Variants in DELE1 observed in about 807,000 individuals in gnomAD.
The protein encoded by DELE1 is death ligand signal enhancer.
Under a neutral mutation model 59.3 loss-of-function variants are expected in DELE1, and 54 were observed. The ratio of observed to expected loss-of-function variants is 0.91; its 90% CI spans 0.73 to 1.14. The LOEUF (loss-of-function observed/expected upper bound fraction) is 1.14. DELE1 is among the 50% of genes most tolerant of loss of function. The pLI is 0.00. For synonymous variants in DELE1, 264 were observed against 259.1 expected, an observed-to-expected ratio of 1.02 and a Z score of -0.18; for missense variants, 636 against 643.9, an observed-to-expected ratio of 0.99 and a Z score of 0.13.
intron 7 of DELE1, among the ~76,000 whole-genome samples, chr5:141,930,882 T>C (rs1323316748): frequency 6.6e-6 from 1 of 152,164 alleles, no homozygotes; most frequent in Non-Finnish European, 1.5e-5. Flanking sequence ...TATTGGGGTC[T>C]AGTGGGCAGA....
At position 141,930,169 on chromosome 5, in the gene DELE1, C is replaced by G. The variant is rs76105880; in HGVS notation, c.658-9C>G. The G allele has an allele frequency of 7.5e-4, 1,214 of 1,611,678 alleles. 1 individual carries two copies. Among genetic ancestry groups the G allele is most frequent in the Non-Finnish European group, 9.7e-4 (1,137 of 1,178,090 alleles). ...ATCCCTTGGTGAGTCTTTTATATTT[C>G]TTTCCCAGGAACAAGATAAATCAAA... is the stretch of plus-strand genomic sequence containing the variant. On this transcript the variant is annotated splice_polypyrimidine_tract_variant and intron_variant, in intron 6 of 11. Transcript: ENST00000432126.
At position 141,934,538 on chromosome 5, in the gene DELE1, G is replaced by A. The variant is rs534394629; in HGVS notation, c.1101G>A (p.Leu367=). The part of the protein sequence containing the change: ...LGVLFTKEPY[L]DEQRAVKYLW... ...TGCTTTTCACCAAGGAGCCCTACCT[G>A]GATGAGCAGAGAGCTGTGAAATATC... is the stretch of plus-strand genomic sequence containing the variant. Residue 367 remains leucine (L), a synonymous_variant, in exon 10 of 12, where the codon CTG becomes CTA. Transcript: ENST00000432126. 6.2e-7 allele frequency: 1 copy of A among 1,614,268 alleles called. No homozygotes were observed. The highest frequency in any genetic ancestry group is 2.2e-5 in the East Asian group (1 of 44,894).
intron 3 of DELE1, 122 bp downstream of exon 3, chr5:141,925,649 T>G (rs1001004538): frequency 1.8e-6 from 1 of 561,346 alleles, no homozygotes; most frequent in African/African-American, 2.0e-5. Flanking sequence ...AAGTAACCCA[T>G]GGTATTGGAG....
Position 141,930,186 on chromosome 5 carries a change from T to TA in DELE1, c.669dup (p.Ser224IlefsTer7), listed in dbSNP as rs1211404312. Reference sequence around the variant, plus strand: ...TTATATTTCTTTCCCAGGAACAAGATAAATCAAAAACTCTTTCCCTTGAGG... The same window carrying TA: ...TTATATTTCTTTCCCAGGAACAAGATAAAATCAAAAACTCTTTCCCTTGAGG... On this transcript the variant is annotated frameshift_variant, in exon 7 of 12. Transcript: ENST00000432126. LOFTEE classifies it high-confidence loss of function. 6.2e-7 allele frequency: 1 copy of TA among 1,613,210 alleles called. No individual in the cohort carries two copies. Among genetic ancestry groups the TA allele is most frequent in the Non-Finnish European group, 8.5e-7 (1 of 1,179,350 alleles).
rs560395077 is a variant in DELE1 at position 141,941,270 on chromosome 5, A to G, written c.*2511A>G. 3 of 985,210 alleles carry G rather than the reference A, an allele frequency of 3.0e-6. No homozygotes were observed. The African/African-American group carries it at 5.2e-5, about 17-fold the overall frequency. 61.0% of individuals were successfully genotyped at this position (985,210 alleles called of 1,614,324 possible). A position where few individuals can be genotyped will look rare whatever the true frequency, so the allele number is the denominator to read the frequency against. On this transcript the variant is annotated 3_prime_UTR_variant, in exon 12 of 12. Transcript: ENST00000432126. ...CCCTCCCTGAGTGGCTCTCCCTCCC[A>G]CTCAGTCACTACTGAGCTAAGTACT...
In DELE1 at chr5:141,939,005, ACCTATGAAAAAC is replaced by A. The variant is rs1203786149; in HGVS notation, c.*251_*262del. On this transcript the variant is annotated 3_prime_UTR_variant, in exon 12 of 12. Transcript: ENST00000432126. ...TGTGCACCAAAGGATGCATTCAGTGACCTATGAAAAACCCTACTGAAGGGTCCAGAGACCCTG... is the reference window on the plus strand; with the variant it reads ...TGTGCACCAAAGGATGCATTCAGTGACCTACTGAAGGGTCCAGAGACCCTG... 1 of 1,321,894 alleles carries A rather than the reference ACCTATGAAAAAC, an allele frequency of 7.6e-7. No homozygotes were observed. Among genetic ancestry groups the A allele is most frequent in the Non-Finnish European group, 9.7e-7 (1 of 1,035,838 alleles). The allele number at this position is 1,321,894 out of a possible 1,614,324, so 81.9% of individuals were successfully genotyped here. A position where few individuals can be genotyped will look rare whatever the true frequency, so the allele number is the denominator to read the frequency against.
Position 141,940,423 on chromosome 5 carries a change from A to C in DELE1, c.*1664A>C. On this transcript the variant is annotated 3_prime_UTR_variant, in exon 12 of 12. Transcript: ENST00000432126. ...TGGTTGAGAGTGGGGTCTGGGAGGG[A>C]TAGAGAGCCCACCGCCCACCCCCCA... The C allele has an allele frequency of 1.1e-6, 1 of 927,538 alleles. No homozygotes were observed. Among genetic ancestry groups the C allele is most frequent in the Non-Finnish European group, 1.2e-6 (1 of 813,860 alleles). 57.5% of individuals were successfully genotyped at this position (927,538 alleles called of 1,614,324 possible). A position where few individuals can be genotyped will look rare whatever the true frequency, so the allele number is the denominator to read the frequency against.
Position 141,923,872 on chromosome 5 carries a change from T to C in DELE1, c.-70T>C, listed in dbSNP as rs937773303. 2.6e-6 allele frequency: 4 copies of C among 1,554,074 alleles called. No individual in the cohort carries two copies. Among genetic ancestry groups the C allele is most frequent in the Admixed American group, 1.9e-5 (1 of 51,514 alleles). ...GGCCACTCGGGGCATCGCGGCGGCC[T>C]TTCTAGCCGCTGTCCCAAGGGTTGG... On this transcript the variant is annotated 5_prime_UTR_variant, in exon 1 of 12. Coordinates refer to ENST00000432126, the MANE Select transcript of DELE1 (RefSeq NM_014773.5).
chr5:141,925,873 T>A (rs1863964), intron 3 of DELE1, among the ~76,000 whole-genome samples: 67,646 of 151,674 alleles, frequency 0.45, 15,700 homozygotes, highest in East Asian at 0.81. Context: ...TCATTTTTTT[T>A]ATTTTTAAAT....
intron 10 of DELE1, among the ~76,000 whole-genome samples, chr5:141,936,539 A>G (rs969406619): frequency 1.3e-5 from 2 of 152,104 alleles, no homozygotes; most frequent in Non-Finnish European, 2.9e-5. Context: ...GGTTCACATG[A>G]TTCTCCTGCC....
Position 141,930,081 on chromosome 5 carries a change from T to C in DELE1, c.657+7T>C. ...TCAGCCCACTGGTGAAAAGGTATTATCCAGATTTGGCCACCTGGATCCCCA... is the reference window on the plus strand; with the variant it reads ...TCAGCCCACTGGTGAAAAGGTATTACCCAGATTTGGCCACCTGGATCCCCA... On this transcript the variant is annotated splice_region_variant and intron_variant, in intron 6 of 11. Coordinates refer to ENST00000432126, the MANE Select transcript of DELE1 (RefSeq NM_014773.5). The C allele has an allele frequency of 5.6e-6, 9 of 1,614,020 alleles. No homozygotes were observed. The highest frequency in any genetic ancestry group is 6.8e-6 in the Non-Finnish European group (8 of 1,179,876).
At chr5:141,929,102 C>A (rs933148896) in intron 4 of DELE1, among the ~76,000 whole-genome samples, 2 of 152,156 alleles carry the variant, frequency 1.3e-5, no homozygotes, top group African/African-American at 4.8e-5. Flanking sequence ...CCTCTAGACT[C>A]CTCTGGAGGG....
At chr5:141,930,339 A>G (rs538520707) in intron 7 of DELE1, 65 bp downstream of exon 7, 3 of 1,180,396 alleles carry the variant, frequency 2.5e-6, no homozygotes, top group Non-Finnish European at 3.7e-6. Context: ...GGGGTAGCTC[A>G]GATATAGTCA....
At chr5:141,935,938 C>T (rs955757586) in intron 10 of DELE1, among the ~76,000 whole-genome samples, 21 of 152,082 alleles carry the variant, frequency 1.4e-4, no homozygotes, top group African/African-American at 5.1e-4. Context: ...TGTGTTGTAA[C>T]GTGGTCTGTA....
In DELE1 at chr5:141,929,028, A is replaced by C. The variant is rs184069263; in HGVS notation, c.413-554A>C. 8.0e-4 allele frequency among the ~76,000 whole-genome samples: 122 copies of C among 152,316 alleles called. 2 individuals carry two copies. The highest frequency in any genetic ancestry group is 2.9e-3 in the African/African-American group (119 of 41,564). On this transcript the variant is annotated intron_variant, in intron 4 of 11. Transcript: ENST00000432126. ...TGAGTAAGGTAGATGCCTCCCTGCCACTGAAGAATTTAGGCAGAGGAGTGA... is the reference window on the plus strand; with the variant it reads ...TGAGTAAGGTAGATGCCTCCCTGCCCCTGAAGAATTTAGGCAGAGGAGTGA...
intron 3 of DELE1, among the ~76,000 whole-genome samples, chr5:141,926,008 T>C (rs1187197031): frequency 1.3e-5 from 2 of 152,050 alleles, no homozygotes; most frequent in Non-Finnish European, 2.9e-5. Context: ...GCCTCCCAAG[T>C]AGCTGGGATT....
In DELE1 at chr5:141,941,492, T is replaced by C; in HGVS notation, c.*2733T>C. The C allele has an allele frequency of 1.0e-6, 1 of 985,460 alleles. No homozygotes were observed. Among genetic ancestry groups the C allele is most frequent in the Non-Finnish European group, 1.2e-6 (1 of 829,950 alleles). 61.0% of individuals were successfully genotyped at this position (985,460 alleles called of 1,614,324 possible). ...GGGGGATGGGCTTCACTGGCAGAGC[T>C]GGGTACTGCTGTGCTTTTGCCATTA... On this transcript the variant is annotated 3_prime_UTR_variant, in exon 12 of 12. Coordinates refer to ENST00000432126, the MANE Select transcript of DELE1 (RefSeq NM_014773.5).
rs1384184851 is a variant in DELE1, at chr5:141,940,620, C to T, written c.*1861C>T. 42 of 985,832 alleles carry T rather than the reference C, an allele frequency of 4.3e-5. No homozygotes were observed. The highest frequency in any genetic ancestry group is 6.1e-5 in the Admixed American group (1 of 16,280). 61.1% of individuals were successfully genotyped at this position (985,832 alleles called of 1,614,324 possible). On this transcript the variant is annotated 3_prime_UTR_variant, in exon 12 of 12. Transcript: ENST00000432126. ...CTCTCTTTCACCCGGGGAGCCCAAG[C>T]GTCCTCTAGCTCCATCTCCTCGCCT... is the stretch of plus-strand genomic sequence containing the variant.
At chr5:141,928,352 A>G in intron 4 of DELE1, 54 bp downstream of exon 4, 1 of 1,578,232 alleles carries the variant, frequency 6.3e-7, no homozygotes, top group East Asian at 2.3e-5. Context: ...TCTCTGGGCC[A>G]GGAAGCGTCT....
Sources: gnomAD v4.1 joint callset for allele counts (sites outside exome capture counted in the v4.1 genomes callset) on GRCh38, gnomAD v4.1.1 for gene constraint, MANE v1.5 for transcripts, NCBI Gene and HGNC (gene_info 2026-07-23, HGNC 2026-07-21) for gene names.